ASMTL: variants seen among roughly 807,000 people sequenced by gnomAD.
ASMTL encodes the protein probable bifunctional dTTP/UTP pyrophosphatase/methyltransferase protein.
A neutral mutation model predicts 60.3 loss-of-function variants in ASMTL; 57 were observed. The observed-to-expected ratio is 0.95, with a 90% CI of 0.76 to 1.18. The LOEUF is 1.18. Ranked by LOEUF, ASMTL falls within the 50% of genes most tolerant of loss-of-function variation. The pLI is 0.00. For missense variants in ASMTL, 981 were observed against 852.6 expected (o/e 1.15, Z -1.88); for synonymous variants, 419 against 373.0 (o/e 1.12, Z -1.42).
chrX:1,418,728 T>C (rs1321198201), intron 10 of ASMTL, among the ~76,000 whole-genome samples: 1 of 151,036 alleles, frequency 6.6e-6, no homozygotes, highest in Non-Finnish European at 1.5e-5. Flanking sequence ...AATCCAGGGG[T>C]TCCAAGGTGC....
chrX:1,415,403 T>C, intron 11 of ASMTL, among the ~76,000 whole-genome samples: 1 of 150,292 alleles, frequency 6.7e-6, no homozygotes, highest in East Asian at 1.9e-4. Context: ...CTCGGCTACT[T>C]GCACTGATGA....
intron 12 of ASMTL, among the ~76,000 whole-genome samples, chrX:1,410,567 C>G (rs1409535176): frequency 2.0e-5 from 3 of 152,100 alleles, no homozygotes; most frequent in African/African-American, 7.2e-5. Context: ...GCGTGCACCA[C>G]TACGCCGGAC....
chrX:1,410,923 C>T (rs1440381560), intron 12 of ASMTL, among the ~76,000 whole-genome samples: 7 of 151,532 alleles, frequency 4.6e-5, no homozygotes, highest in South Asian at 4.2e-4. Flanking sequence ...AGGTGGCTCA[C>T]GCCTGTAATC....
rs376751092 is a variant in ASMTL at position 1,414,894 on chromosome X, C to T, written c.1523-2040G>A. ...CAGCACCTGTGCCCACAGGCCTGGC[C>T]GCTGTCGGATGGTGCTGAGTTACAG... is the stretch of plus-strand genomic sequence containing the variant. On this transcript the variant is annotated intron_variant, in intron 11 of 12. Coordinates refer to ENST00000381317, the MANE Select transcript of ASMTL (RefSeq NM_004192.4). Among the ~76,000 whole-genome samples the T allele has an allele frequency of 2.1e-4, 32 of 152,130 alleles. 2 individuals carry two copies. In the East Asian group the frequency reaches 5.0e-3, roughly 24 times the overall value.
In ASMTL at chrX:1,436,574, G is replaced by A. The variant is rs1427908025; in HGVS notation, c.274-816C>T. ...TCACCATGTTGGCCAGGATGGTCTC[G>A]ATCTCCTGACCTTGTGATCCACCCG... On this transcript the variant is annotated intron_variant, in intron 3 of 12. Coordinates refer to ENST00000381317, the MANE Select transcript of ASMTL (RefSeq NM_004192.4). Among the ~76,000 whole-genome samples, 17 of 152,190 alleles carry A rather than the reference G, an allele frequency of 1.1e-4. No individual in the cohort carries two copies. In the South Asian group the frequency reaches 1.2e-3, roughly 11 times the overall value.
chrX:1,415,331 C>T (rs762253667), intron 11 of ASMTL, among the ~76,000 whole-genome samples: 3 of 152,292 alleles, frequency 2.0e-5, no homozygotes, highest in Admixed American at 6.5e-5. Context: ...TCCGTGACCT[C>T]GGCACCGTGG....
intron 1 of ASMTL, among the ~76,000 whole-genome samples, chrX:1,451,920 AG>A (rs1427449269): frequency 1.1e-4 from 12 of 109,868 alleles, no homozygotes; most frequent in African/African-American, 2.5e-4. Flanking sequence ...CCCCATCCCT[AG>A]GGGGTCCCGG....
At chrX:1,411,455 G>A (rs2090017438) in intron 12 of ASMTL, among the ~76,000 whole-genome samples, 1 of 152,198 alleles carries the variant, frequency 6.6e-6, no homozygotes, top group African/African-American at 2.4e-5. Flanking sequence ...AACCCAATAT[G>A]CAGCCCTGGC....
chrX:1,449,187 C>T (rs763594880), intron 1 of ASMTL, among the ~76,000 whole-genome samples: 32 of 152,264 alleles, frequency 2.1e-4, no homozygotes, highest in African/African-American at 7.0e-4. Flanking sequence ...CAGCCAGAAG[C>T]CCCGCTCAGG....
At chrX:1,438,803 T>A (rs2091037395) in intron 3 of ASMTL, among the ~76,000 whole-genome samples, 1 of 151,996 alleles carries the variant, frequency 6.6e-6, no homozygotes, top group African/African-American at 2.4e-5. Context: ...ATTTTTGTAT[T>A]TTTAGTAGAG....
rs184738618 is a variant in ASMTL at position 1,407,255 on chromosome X, G to A, written c.1646-3766C>T. On this transcript the variant is annotated intron_variant, in intron 12 of 12. Transcript: ENST00000381317. ...GGGTAGGTAGGTAGATGGATGGATG[G>A]ATAGATGGATGCATGGATGAGATGG... Among the ~76,000 whole-genome samples, 7 of 151,252 alleles carry A rather than the reference G, an allele frequency of 4.6e-5. No individual in the cohort carries two copies. The East Asian group carries it at 1.2e-3, about 25-fold the overall frequency.
chrX:1,440,647 A>G (rs1168001152), intron 2 of ASMTL, among the ~76,000 whole-genome samples: 1 of 151,950 alleles, frequency 6.6e-6, no homozygotes, highest in East Asian at 1.9e-4. Flanking sequence ...ATAATAGTGT[A>G]TTACGGTGGG....
chrX:1,428,586 G>A (rs1197869826), intron 6 of ASMTL, among the ~76,000 whole-genome samples: 1 of 151,352 alleles, frequency 6.6e-6, no homozygotes, highest in Non-Finnish European at 1.5e-5. Context: ...GGAGGAGGTT[G>A]CAGTGAGCCG....
intron 11 of ASMTL, among the ~76,000 whole-genome samples, chrX:1,417,518 GACATGCACACACACAC>G (rs1320650506): frequency 9.2e-4 from 28 of 30,426 alleles, no homozygotes; most frequent in African/African-American, 2.0e-3. Context: ...TACAGACACA[GACATGCACACACACAC>G]ACATGCACAC....
At chrX:1,434,726 C>T (rs1218541384) in intron 5 of ASMTL, among the ~76,000 whole-genome samples, 2 of 142,922 alleles carry the variant, frequency 1.4e-5, no homozygotes, top group East Asian at 2.1e-4. Context: ...ACTTGGGAGG[C>T]GGAGGTTGCA....
intron 5 of ASMTL, among the ~76,000 whole-genome samples, chrX:1,433,813 G>A (rs1394821750): frequency 1.3e-5 from 2 of 152,098 alleles, no homozygotes; most frequent in Admixed American, 6.6e-5. Flanking sequence ...AGCACCCTGC[G>A]CTGTGCCTGG....
rs374148730 is a variant in ASMTL at position 1,418,024 on chromosome X, C to G, written c.1471G>C (p.Ala491Pro). The change falls in exon 11 of 13, where the codon GCC becomes CCC. Residue 491 changes from alanine to proline, a missense_variant. Physicochemically the swap from Ala to Pro is conservative, Grantham distance 27. Transcript: ENST00000381317. ...FDLPDIIELA[A>P]HFQPPGPQAV... The stretch of plus-strand genomic sequence containing the variant: ...TGCGGTCCGGGGGGTTGGAAGTGGG[C>G]GGCCAGCTCGATAATGTCTGGGAGG... 6.2e-7 allele frequency: 1 copy of G among 1,613,438 alleles called. No homozygotes were observed. Among genetic ancestry groups the G allele is most frequent in the Non-Finnish European group, 8.5e-7 (1 of 1,179,596 alleles).
intron 1 of ASMTL, among the ~76,000 whole-genome samples, chrX:1,447,767 G>A (rs1340937970): frequency 6.6e-6 from 1 of 150,578 alleles, no homozygotes; most frequent in African/African-American, 2.5e-5. Context: ...CCACCATCTT[G>A]GACACACACC....
intron 11 of ASMTL, among the ~76,000 whole-genome samples, chrX:1,414,822 A>G (rs1236212410): frequency 1.3e-5 from 2 of 152,120 alleles, no homozygotes; most frequent in African/African-American, 4.8e-5. Flanking sequence ...TTTTTTAAAA[A>G]CGAGAAAAGC....
Sources: allele counts gnomAD v4.1 joint callset (sites outside exome capture counted in the v4.1 genomes callset), GRCh38; gene constraint gnomAD v4.1.1; transcripts MANE v1.5; gene names NCBI Gene and HGNC (gene_info 2026-07-23, HGNC 2026-07-21).